TRAF3: variants seen among roughly 807,000 people sequenced by gnomAD.
TRAF3 encodes TNF receptor-associated factor 3.
Under a neutral mutation model 62.3 loss-of-function variants are expected in TRAF3, and 13 were observed. The observed-to-expected ratio is 0.21, with a 90% confidence interval of 0.14 to 0.33. The LOEUF is 0.33. TRAF3 is among the 10% of genes least tolerant of loss of function. The pLI is 1.00. For synonymous variants in TRAF3, 269 were observed against 283.4 expected (o/e 0.95, Z 0.51); for missense variants, 440 against 741.8 (o/e 0.59, Z 4.73).
intron 1 of TRAF3, among the ~76,000 whole-genome samples, chr14:102,787,851 C>T (rs1242640954): frequency 6.7e-6 from 1 of 148,956 alleles, no homozygotes; most frequent in Non-Finnish European, 1.5e-5. Flanking sequence ...TTTTCCTTTC[C>T]TTTTTCTTTT....
intron 4 of TRAF3, among the ~76,000 whole-genome samples, chr14:102,872,643 T>C (rs1203856420): frequency 1.3e-5 from 2 of 152,182 alleles, no homozygotes; most frequent in African/African-American, 2.4e-5. Flanking sequence ...CCAGGTATAC[T>C]TGGAGTTTGA....
chr14:102,806,369 A>G (rs544230317), intron 1 of TRAF3, among the ~76,000 whole-genome samples: 2 of 152,346 alleles, frequency 1.3e-5, no homozygotes, highest in African/African-American at 2.4e-5. Flanking sequence ...TAGAGTGCCC[A>G]GAAGTCCATC....
chr14:102,841,703 G>A (rs1371821828), intron 2 of TRAF3, among the ~76,000 whole-genome samples: 1 of 152,154 alleles, frequency 6.6e-6, no homozygotes, highest in Non-Finnish European at 1.5e-5. Context: ...ATTGTGTCTA[G>A]CATCTAATAA....
rs1445427315 is a variant in TRAF3, at chr14:102,859,091, A to C, written c.-17-11094A>C. Among the ~76,000 whole-genome samples the C allele has an allele frequency of 3.3e-5, 5 of 152,284 alleles. No homozygotes were observed. The East Asian group carries it at 7.7e-4, about 23-fold the overall frequency. On this transcript the variant is annotated intron_variant, in intron 2 of 11. Transcript: ENST00000392745. ...CTTCAGCCAGTATGTTCACACACAG[A>C]ATTTCTTTTAAAAGATTAATTTTTC...
At chr14:102,897,790 G>T (rs1890077995) in intron 10 of TRAF3, among the ~76,000 whole-genome samples, 2 of 152,260 alleles carry the variant, frequency 1.3e-5, no homozygotes, top group Admixed American at 1.3e-4. Flanking sequence ...GTGCTGTGCA[G>T]CCCAGCTACT....
chr14:102,903,529 C>A lies in TRAF3; in HGVS notation c.1135+100C>A. On this transcript the variant is annotated intron_variant, in intron 11 of 11. Coordinates refer to ENST00000392745, the MANE Select transcript of TRAF3 (RefSeq NM_145725.3). This position sits in a 1 kb window ranked among gnomAD's most constrained non-coding sequence, Gnocchi z 6.4. ...ATGAGGGCTATGTTAGGTACATGTG[C>A]CTTAGGACAGTTTTTTCTAATTATG... 6.5e-7 allele frequency: 1 copy of A among 1,529,330 alleles called. No individual in the cohort carries two copies. The highest frequency in any genetic ancestry group is 8.9e-7 in the Non-Finnish European group (1 of 1,119,468). The allele number at this position is 1,529,330 out of a possible 1,614,324, so 94.7% of individuals were successfully genotyped here. A position where few individuals can be genotyped will look rare whatever the true frequency, so the allele number is the denominator to read the frequency against.
At chr14:102,847,394 C>G (rs1213651572) in intron 2 of TRAF3, among the ~76,000 whole-genome samples, 1 of 152,128 alleles carries the variant, frequency 6.6e-6, no homozygotes, top group Non-Finnish European at 1.5e-5. Context: ...CGGCTGGTCT[C>G]GAACTCCTGA....
At chr14:102,837,124 G>T (rs1323601873) in intron 2 of TRAF3, among the ~76,000 whole-genome samples, 3 of 68,842 alleles carry the variant, frequency 4.4e-5, no homozygotes, top group African/African-American at 1.8e-4. Flanking sequence ...TAATTTGTGT[G>T]TGTGTGTGTG....
chr14:102,864,205 G>A (rs1182829791), intron 2 of TRAF3, among the ~76,000 whole-genome samples: 1 of 147,262 alleles, frequency 6.8e-6, no homozygotes, highest in African/African-American at 2.5e-5. Context: ...CTGGAGTGCA[G>A]TGGCGCCATC....
At position 102,834,555 on chromosome 14, in the gene TRAF3, C is replaced by T. The variant is rs1219687956; in HGVS notation, c.-18+4083C>T. 7.2e-5 allele frequency among the ~76,000 whole-genome samples: 11 copies of T among 151,798 alleles called. 1 individual carries two copies. In the East Asian group the frequency reaches 1.2e-3, roughly 16 times the overall value. On this transcript the variant is annotated intron_variant, in intron 2 of 11. Transcript: ENST00000392745. The stretch of plus-strand genomic sequence containing the variant: ...CAAAAAAATTAGCCGGGCGTGGTGG[C>T]GGGCGCCTGTAGTCCCAGCTACTCG...
At chr14:102,902,426 C>T (rs1890351749) in intron 10 of TRAF3, among the ~76,000 whole-genome samples, 1 of 152,204 alleles carries the variant, frequency 6.6e-6, no homozygotes, top group Admixed American at 6.5e-5. Context: ...CCCCTGCAGC[C>T]ACAGAGACAG....
intron 11 of TRAF3, among the ~76,000 whole-genome samples, chr14:102,904,408 G>C (rs1260408405): frequency 1.3e-5 from 2 of 152,222 alleles, no homozygotes; most frequent in Non-Finnish European, 2.9e-5. Context: ...TGGGCATGGT[G>C]GTGTGGCCTA....
intron 1 of TRAF3, chr14:102,808,900 C>T (rs1340480351): frequency 6.6e-6 from 1 of 152,162 alleles, no homozygotes; most frequent in African/African-American, 2.4e-5. Flanking sequence ...ACTGCAGCCT[C>T]CACCTCTTGG....
intron 7 of TRAF3, among the ~76,000 whole-genome samples, chr14:102,887,620 A>C (rs1360678576): frequency 1.3e-5 from 2 of 151,174 alleles, no homozygotes; most frequent in Non-Finnish European, 2.9e-5. Context: ...TTTGAGACGG[A>C]GTCTCGCTCT....
intron 1 of TRAF3, among the ~76,000 whole-genome samples, chr14:102,815,878 C>T (rs1197400362): frequency 2.0e-5 from 3 of 152,150 alleles, no homozygotes; most frequent in Non-Finnish European, 2.9e-5. Flanking sequence ...AATTCACTCA[C>T]TGTCATGAGA....
At chr14:102,778,139 TC>T (rs1460729859) in intron 1 of TRAF3, among the ~76,000 whole-genome samples, 31 of 150,484 alleles carry the variant, frequency 2.1e-4, no homozygotes, top group African/African-American at 7.1e-4. Flanking sequence ...GGAAAGTTGG[TC>T]CTGAGTCATT....
intron 10 of TRAF3, among the ~76,000 whole-genome samples, chr14:102,901,302 C>T (rs1287590163): frequency 2.0e-5 from 3 of 152,122 alleles, no homozygotes; most frequent in East Asian, 1.9e-4. Flanking sequence ...CAGCGTGAGG[C>T]GCAGCTTGTC....
intron 9 of TRAF3, among the ~76,000 whole-genome samples, chr14:102,895,792 G>A (rs1889976597): frequency 6.6e-6 from 1 of 152,204 alleles, no homozygotes; most frequent in South Asian, 2.1e-4. Context: ...TTTTGGAAAG[G>A]TCAAATGTGG....
intron 1 of TRAF3, 108 bp downstream of exon 1, chr14:102,777,783 T>G (rs1897078902): frequency 7.0e-6 from 1 of 142,998 alleles, no homozygotes; most frequent in Non-Finnish European, 1.5e-5. Context: ...GCCTCGGGGC[T>G]GCCCGGCGCG....
Sources: gnomAD v4.1 joint callset for allele counts (sites outside exome capture counted in the v4.1 genomes callset) on GRCh38, gnomAD v4.1.1 for gene constraint, Gnocchi (gnomAD v3.1) non-coding constraint, MANE v1.5 for transcripts, NCBI Gene and HGNC (gene_info 2026-07-23, HGNC 2026-07-21) for gene names.